PARL: variants seen among roughly 807,000 people sequenced by gnomAD.
PARL encodes the protein presenilin-associated rhomboid-like protein, mitochondrial.
A neutral mutation model predicts 51.6 loss-of-function variants in PARL; 44 were observed. That is an observed-to-expected ratio of 0.85 (90% CI 0.67 to 1.10). The LOEUF (loss-of-function observed/expected upper bound fraction) is 1.10, where lower values mean the gene tolerates loss of function less well. PARL is among the 50% of genes least tolerant of loss of function. The pLI is 0.00. For synonymous variants in PARL, 172 were observed against 164.0 expected (o/e 1.05, Z -0.37); for missense variants, 441 against 469.5 (o/e 0.94, Z 0.56).
rs150931831 is a variant in PARL, at chr3:183,832,991, C to T, written c.1028+501G>A. On this transcript the variant is annotated intron_variant, in intron 9 of 9. Coordinates refer to ENST00000317096, the MANE Select transcript of PARL (RefSeq NM_018622.7). ...CATAAGGGAACTAGCTTGGTGCCTG[C>T]ATACAGCGGGTACTCAGTAAGTGGT... Among the ~76,000 whole-genome samples, 797 of 152,300 alleles carry T rather than the reference C, an allele frequency of 5.2e-3. 27 individuals are homozygous for T. Among genetic ancestry groups the T allele is most frequent in the Admixed American group, 0.046 (708 of 15,278 alleles).
intron 4 of PARL, among the ~76,000 whole-genome samples, chr3:183,851,693 A>T (rs940123981): frequency 2.0e-5 from 3 of 151,984 alleles, no homozygotes; most frequent in Non-Finnish European, 4.4e-5. Context: ...AGAATATATA[A>T]AAAAAAACTC....
intron 7 of PARL, 121 bp from the exon 8 acceptor site, chr3:183,833,946 C>T: frequency 1.4e-6 from 1 of 717,886 alleles, no homozygotes; most frequent in Middle Eastern, 2.5e-4. Context: ...TAGGTGAGCA[C>T]AAAGCTTCAA....
downstream of PARL, among the ~76,000 whole-genome samples, chr3:183,828,341 C>T (rs996262036): frequency 3.9e-5 from 6 of 152,200 alleles, no homozygotes; most frequent in Non-Finnish European, 7.4e-5. Context: ...GAAAACGCAT[C>T]TTGCCTCATC....
chr3:183,831,215 A>G (rs1244932477), intron 9 of PARL, among the ~76,000 whole-genome samples: 1 of 152,182 alleles, frequency 6.6e-6, no homozygotes, highest in Non-Finnish European at 1.5e-5. Context: ...ACCTCAAGTG[A>G]TCTACTTGCC....
intron 3 of PARL, among the ~76,000 whole-genome samples, chr3:183,863,822 A>G (rs145347028): frequency 1.9e-3 from 293 of 152,324 alleles, no homozygotes; most frequent in African/African-American, 6.4e-3. Context: ...CAGGACTTTC[A>G]TGTTTCCATG....
At position 183,868,048 on chromosome 3, in the gene PARL, AAAG is replaced by A. The variant is rs756554604; in HGVS notation, c.135_137del (p.Phe46del). The A allele has an allele frequency of 6.2e-7, 1 of 1,613,874 alleles. No homozygotes were observed. Among genetic ancestry groups the A allele is most frequent in the African/African-American group, 1.3e-5 (1 of 74,928 alleles). ...TTCTGAATCCGCATTTTTGTTGAAT[AAAG>A]AAGTTAAACCTATGGGGCAAAAATA... On this transcript the variant is annotated inframe_deletion, in exon 2 of 10. Coordinates refer to ENST00000317096, the MANE Select transcript of PARL (RefSeq NM_018622.7).
At chr3:183,863,857 T>G (rs556616042) in intron 3 of PARL, among the ~76,000 whole-genome samples, 287 of 152,378 alleles carry the variant, frequency 1.9e-3, no homozygotes, top group South Asian at 0.014. Context: ...TGTTTCAAAC[T>G]TCTTTAATGG....
At position 183,882,483 on chromosome 3, in the gene PARL, G is replaced by C. The variant is rs537975218; in HGVS notation, c.125+2239C>G. On this transcript the variant is annotated intron_variant, in intron 1 of 9. Coordinates refer to ENST00000317096, the MANE Select transcript of PARL (RefSeq NM_018622.7). ...TATAAACTTTCCATACAAACGGCAAGTTTTTTAAAAATATAAAATGTTAAG... is the reference window on the plus strand; with the variant it reads ...TATAAACTTTCCATACAAACGGCAACTTTTTTAAAAATATAAAATGTTAAG... 4.6e-5 allele frequency among the ~76,000 whole-genome samples: 7 copies of C among 151,420 alleles called. No individual in the cohort carries two copies. In the South Asian group the frequency reaches 1.3e-3, roughly 27 times the overall value.
chr3:183,884,701 C>T (rs1403398177), intron 1 of PARL, 21 bp downstream of exon 1: 1 of 1,582,896 alleles, frequency 6.3e-7, no homozygotes, highest in South Asian at 1.1e-5. Context: ...GGCGAGAAGA[C>T]CAGAGCGCGG....
At chr3:183,880,807 G>T (rs1207893882) in intron 1 of PARL, among the ~76,000 whole-genome samples, 1 of 151,886 alleles carries the variant, frequency 6.6e-6, no homozygotes, top group African/African-American at 2.4e-5. Context: ...TAAATGTTTT[G>T]GTTTTTTATT....
intron 4 of PARL, among the ~76,000 whole-genome samples, chr3:183,860,256 T>C (rs2108658861): frequency 6.6e-6 from 1 of 152,278 alleles, no homozygotes; most frequent in Non-Finnish European, 1.5e-5. Context: ...AGACAAGACA[T>C]ACTAAATAAA....
chr3:183,859,045 G>C (rs888178672), intron 4 of PARL, among the ~76,000 whole-genome samples: 7 of 152,056 alleles, frequency 4.6e-5, no homozygotes, highest in Non-Finnish European at 7.4e-5. Context: ...GGTGGCTCAC[G>C]CCTGTAATCC....
chr3:183,881,231 C>T (rs1355660205), intron 1 of PARL, among the ~76,000 whole-genome samples: 1 of 151,982 alleles, frequency 6.6e-6, no homozygotes, highest in Non-Finnish European at 1.5e-5. Flanking sequence ...AAGGGATTCT[C>T]CTGCCTCGGC....
chr3:183,829,315 G>C lies in PARL; in HGVS notation c.*283C>G. 1 of 1,012,484 alleles carries C rather than the reference G, an allele frequency of 9.9e-7. No individual in the cohort carries two copies. Among genetic ancestry groups the C allele is most frequent in the Non-Finnish European group, 1.3e-6 (1 of 747,542 alleles). The allele number at this position is 1,012,484 out of a possible 1,614,324, so 62.7% of individuals were successfully genotyped here. On this transcript the variant is annotated 3_prime_UTR_variant, in exon 10 of 10. Coordinates refer to ENST00000317096, the MANE Select transcript of PARL (RefSeq NM_018622.7). ...GCCTTTCAGGGTGCACTCTCCCCAG[G>C]TCCTGTCAATGCAACAACCAAAGCA...
At chr3:183,836,015 C>T (rs766645652) in intron 7 of PARL, among the ~76,000 whole-genome samples, 14 of 151,870 alleles carry the variant, frequency 9.2e-5, no homozygotes, top group Middle Eastern at 3.4e-3. Flanking sequence ...GTCTGGAGTT[C>T]GAGACCAGCC....
intron 1 of PARL, among the ~76,000 whole-genome samples, chr3:183,877,563 C>T (rs761312827): frequency 3.9e-4 from 59 of 152,160 alleles, no homozygotes; most frequent in Admixed American, 1.7e-3. Context: ...ATCAACGTGG[C>T]GAACTTCATG....
intron 6 of PARL, 130 bp downstream of exon 6, chr3:183,842,168 A>G (rs1222231855): frequency 1.1e-6 from 1 of 946,900 alleles, no homozygotes; most frequent in African/African-American, 1.6e-5. Flanking sequence ...CTCTACATAC[A>G]CTGTGAGAAA....
At chr3:183,882,266 T>C (rs1734604219) in intron 1 of PARL, among the ~76,000 whole-genome samples, 1 of 38,592 alleles carries the variant, frequency 2.6e-5, no homozygotes, top group African/African-American at 9.2e-5. Context: ...TATATATATA[T>C]ATTTATATAT....
intron 1 of PARL, among the ~76,000 whole-genome samples, chr3:183,882,478 G>A (rs1467690448): frequency 2.0e-5 from 3 of 150,392 alleles, no homozygotes; most frequent in Non-Finnish European, 4.4e-5. Context: ...CCATACAAAC[G>A]GCAAGTTTTT....
Sources: allele counts gnomAD v4.1 joint callset (sites outside exome capture counted in the v4.1 genomes callset), GRCh38; gene constraint gnomAD v4.1.1; transcripts MANE v1.5; gene names NCBI Gene and HGNC (gene_info 2026-07-23, HGNC 2026-07-21).